CMSS1: variants seen among roughly 807,000 people sequenced by gnomAD.
The protein encoded by CMSS1 is protein CMSS1.
A neutral mutation model predicts 43.5 loss-of-function variants in CMSS1; 33 were observed. The observed-to-expected ratio is 0.76, with a 90% CI of 0.57 to 1.01. The LOEUF (loss-of-function observed/expected upper bound fraction) is 1.01. Among genes scored for constraint, CMSS1 ranks in the 50% least tolerant of loss-of-function variants. CMSS1 has a pLI of 0.00. For synonymous variants in CMSS1, 115 were observed against 117.2 expected (o/e 0.98, Z 0.12); for missense variants, 313 against 326.4 (o/e 0.96, Z 0.32).
At chr3:100,123,250 T>C (rs2066636243) in intron 1 of CMSS1, among the ~76,000 whole-genome samples, 1 of 152,050 alleles carries the variant, frequency 6.6e-6, no homozygotes, top group Admixed American at 6.5e-5. Flanking sequence ...GTGAAGGAGC[T>C]AGAGGAGGAA....
intron 1 of CMSS1, among the ~76,000 whole-genome samples, chr3:99,911,548 C>T (rs974817782): frequency 6.6e-6 from 1 of 151,922 alleles, no homozygotes; most frequent in African/African-American, 2.4e-5. Context: ...TGCCCTGGCT[C>T]TAAAATACTC....
At chr3:100,017,637 G>A (rs1710382270) in intron 1 of CMSS1, among the ~76,000 whole-genome samples, 1 of 152,170 alleles carries the variant, frequency 6.6e-6, no homozygotes, top group Non-Finnish European at 1.5e-5. Context: ...GACATGTAAA[G>A]TTGTGAGCCA....
chr3:99,850,635 T>C, intron 1 of CMSS1: 1 of 1,614,114 alleles, frequency 6.2e-7, no homozygotes, highest in South Asian at 1.1e-5. Context: ...GCTCCTCTTC[T>C]GCTTTTCGTA....
intron 1 of CMSS1, among the ~76,000 whole-genome samples, chr3:99,881,690 G>C (rs1327522157): frequency 6.6e-6 from 1 of 151,912 alleles, no homozygotes; most frequent in Non-Finnish European, 1.5e-5. Flanking sequence ...GTGCTACCAC[G>C]CCTGGCTAAT....
Position 100,064,658 on chromosome 3 carries a change from A to G in CMSS1, c.65-82315A>G, listed in dbSNP as rs183071954. Among the ~76,000 whole-genome samples, 4 of 152,316 alleles carry G rather than the reference A, an allele frequency of 2.6e-5. No individual in the cohort carries two copies. In the East Asian group the frequency reaches 7.7e-4, roughly 29 times the overall value. On this transcript the variant is annotated intron_variant, in intron 1 of 9. Transcript: ENST00000421999. ...GGGCTTGGAAAATGCTTACAGACCT[A>G]ATGGAACTTTTTATTTCCACTTGCT...
At chr3:99,864,736 A>G (rs1374644794) in intron 1 of CMSS1, among the ~76,000 whole-genome samples, 2 of 151,880 alleles carry the variant, frequency 1.3e-5, no homozygotes, top group East Asian at 1.9e-4. Flanking sequence ...CTTCTTTGCT[A>G]TTCCTCAAAC....
intron 2 of CMSS1, among the ~76,000 whole-genome samples, chr3:100,156,542 C>A (rs555994833): frequency 6.6e-6 from 1 of 151,398 alleles, no homozygotes; most frequent in South Asian, 2.1e-4. Flanking sequence ...CTCCTGACCT[C>A]GTAATCCGCC....
At chr3:99,994,924 T>C (rs1411890188) in intron 1 of CMSS1, among the ~76,000 whole-genome samples, 1 of 152,156 alleles carries the variant, frequency 6.6e-6, no homozygotes, top group Non-Finnish European at 1.5e-5. Context: ...CACATGGGAA[T>C]TATGGGAGTA....
At position 100,180,756 on chromosome 3, in the gene CMSS1, C is replaced by T. The variant is rs898595356; in HGVS notation, c.*2368C>T. 6.6e-6 allele frequency: 1 copy of T among 152,192 alleles called. No homozygotes were observed. The highest frequency in any genetic ancestry group is 1.5e-5 in the Non-Finnish European group (1 of 68,020). The allele number at this position is 152,192 out of a possible 1,614,324, so 9.4% of individuals were successfully genotyped here. A position where few individuals can be genotyped will look rare whatever the true frequency, so the allele number is the denominator to read the frequency against. ...AACTGTTGCAACTTCTCCCCGTTAC[C>T]CAGTTTCAAAGTTGCTTCCACATTT... On this transcript the variant is annotated 3_prime_UTR_variant, in exon 10 of 10. Transcript: ENST00000421999.
At chr3:99,884,234 CCT>C (rs1210227119) in intron 1 of CMSS1, among the ~76,000 whole-genome samples, 1 of 152,122 alleles carries the variant, frequency 6.6e-6, no homozygotes, top group Admixed American at 6.5e-5. Flanking sequence ...CATATAATAT[CCT>C]CTCTCTGTCC....
intron 1 of CMSS1, among the ~76,000 whole-genome samples, chr3:100,105,718 A>T: frequency 6.6e-6 from 1 of 152,190 alleles, no homozygotes. Context: ...AAGCTGATGC[A>T]ATCCCAGGAG....
intron 2 of CMSS1, among the ~76,000 whole-genome samples, chr3:100,157,652 G>A (rs1187988333): frequency 6.6e-6 from 1 of 152,192 alleles, no homozygotes; most frequent in East Asian, 1.9e-4. Flanking sequence ...ATGGAATAGG[G>A]ACAGGAAATG....
intron 1 of CMSS1, chr3:100,114,801 G>A (rs1374785409): frequency 1.7e-6 from 1 of 572,048 alleles, no homozygotes; most frequent in Non-Finnish European, 3.1e-6. Context: ...ATGAGCTGAT[G>A]TAAGCCTTGT....
chr3:100,176,042 G>T (rs1173845462), intron 8 of CMSS1, among the ~76,000 whole-genome samples: 1 of 152,172 alleles, frequency 6.6e-6, no homozygotes, highest in Non-Finnish European at 1.5e-5. Context: ...AGCCTCTGGG[G>T]CTTCATGAAA....
chr3:100,040,953 C>G (rs1318363262), intron 1 of CMSS1: 1 of 152,134 alleles, frequency 6.6e-6, no homozygotes, highest in East Asian at 1.9e-4. Flanking sequence ...GTTTTTATAA[C>G]GAGTTCATGT....
At chr3:99,869,547 CAAGTT>C (rs1297111831) in intron 1 of CMSS1, among the ~76,000 whole-genome samples, 9 of 152,186 alleles carry the variant, frequency 5.9e-5, no homozygotes, top group Admixed American at 3.3e-4. Flanking sequence ...AACAGACTAA[CAAGTT>C]AAGACTAAGG....
intron 1 of CMSS1, among the ~76,000 whole-genome samples, chr3:100,007,624 A>G (rs1366619426): frequency 6.6e-6 from 1 of 152,174 alleles, no homozygotes; most frequent in East Asian, 1.9e-4. Context: ...CAGAAAGTGT[A>G]CAGATTTTGC....
intron 1 of CMSS1, among the ~76,000 whole-genome samples, chr3:100,068,016 A>G (rs1446634349): frequency 6.6e-6 from 1 of 152,228 alleles, no homozygotes; most frequent in African/African-American, 2.4e-5. Flanking sequence ...CCTCCACAGC[A>G]TAAGCTTTAA....
At chr3:100,172,255 G>T in intron 7 of CMSS1, 61 bp from the exon 8 acceptor site, 1 of 1,378,698 alleles carries the variant, frequency 7.3e-7, no homozygotes, top group Non-Finnish European at 1.0e-6. Context: ...GTTCTAAATT[G>T]GTGTAAGATA....
Sources: gnomAD v4.1 joint callset for allele counts (sites outside exome capture counted in the v4.1 genomes callset) on GRCh38, gnomAD v4.1.1 for gene constraint, MANE v1.5 for transcripts, NCBI Gene and HGNC (gene_info 2026-07-23, HGNC 2026-07-21) for gene names.